The following KNL1 variants were observed in gnomAD, a reference collection of about 807,000 sequenced individuals.
The protein encoded by KNL1 is kinetochore scaffold 1.
Under a neutral mutation model 201.3 loss-of-function variants are expected in KNL1, and 66 were observed. The observed-to-expected ratio is 0.33, with a 90% CI of 0.27 to 0.40. The LOEUF (loss-of-function observed/expected upper bound fraction) is 0.40, where lower values mean the gene tolerates loss of function less well. Ranked by LOEUF, KNL1 falls within the 10% of genes least tolerant of loss-of-function variation. The pLI is 1.00. For missense variants in KNL1, 2,815 were observed against 2,690.5 expected, an observed-to-expected ratio of 1.05 and a Z score of -1.02; for synonymous variants, 895 against 899.2, an observed-to-expected ratio of 1.00 and a Z score of 0.08.
intron 14 of KNL1, among the ~76,000 whole-genome samples, chr15:40,644,580 A>G (rs888217097): frequency 2.0e-5 from 3 of 152,188 alleles, no homozygotes; most frequent in African/African-American, 7.2e-5. Flanking sequence ...CATATTTCAG[A>G]CTATCACATG....
Position 40,622,381 on chromosome 15 carries a change from G to A in KNL1, c.2117G>A (p.Gly706Glu), listed in dbSNP as rs1892568021. Residue 706 changes from glycine to glutamate, a missense_variant, in exon 10 of 26, where the codon GGA becomes GAA. Gly to Glu is a moderately conservative substitution (Grantham distance 98). Coordinates refer to ENST00000399668, the MANE Select transcript of KNL1 (RefSeq NM_144508.5). ...ACCACAAAGCCATTATTTTCATCAG[G>A]ACAGTTCTCTATGAAAAATCATGAT... ...FSTTKPLFSS[G>E]QFSMKNHDTA... The A allele has an allele frequency of 6.2e-7, 1 of 1,613,798 alleles. No homozygotes were observed. The highest frequency in any genetic ancestry group is 1.3e-5 in the African/African-American group (1 of 75,008).
In KNL1 at chr15:40,594,263, C is replaced by A. The variant is rs1275985930; in HGVS notation, c.-147C>A. The A allele has an allele frequency of 2.0e-5, 3 of 152,314 alleles. No homozygotes were observed. Among genetic ancestry groups the A allele is most frequent in the African/African-American group, 7.2e-5 (3 of 41,472 alleles). 9.4% of individuals were successfully genotyped at this position (152,314 alleles called of 1,614,324 possible). A position where few individuals can be genotyped will look rare whatever the true frequency, so the allele number is the denominator to read the frequency against. On this transcript the variant is annotated 5_prime_UTR_variant, in exon 1 of 26. Transcript: ENST00000399668. ...CCTAGGCGGTTAGATTTGAATACTTCACTGAGGCGAGCCGGGCGTTGTGAG... is the reference window on the plus strand; with the variant it reads ...CCTAGGCGGTTAGATTTGAATACTTAACTGAGGCGAGCCGGGCGTTGTGAG...
chr15:40,622,431 A>T lies in KNL1; in HGVS notation c.2167A>T (p.Lys723Ter). The T allele has an allele frequency of 6.2e-7, 1 of 1,613,908 alleles. No individual in the cohort carries two copies. The highest frequency in any genetic ancestry group is 8.5e-7 in the Non-Finnish European group (1 of 1,179,850). The change falls in exon 10 of 26, where the codon AAA (lysine) becomes TAA (stop). Residue 723 changes from lysine to a stop codon, truncating the protein, a stop_gained. Coordinates refer to ENST00000399668, the MANE Select transcript of KNL1 (RefSeq NM_144508.5). LOFTEE classifies it high-confidence loss of function. ...TACTGCTATAAGTAGTCATACAGTG[A>T]AATCTGTACTAGGCCAGAATTCTAA... ...HDTAISSHTV[K>*]SVLGQNSKLA... is the part of the protein sequence containing the mutation.
chr15:40,628,949 C>T (rs1892826617), intron 12 of KNL1, among the ~76,000 whole-genome samples: 1 of 152,086 alleles, frequency 6.6e-6, no homozygotes, highest in African/African-American at 2.4e-5. Flanking sequence ...AAGAGAATCA[C>T]TTGAGCCCAG....
Position 40,650,350 on chromosome 15 carries a change from G to C in KNL1, c.6144G>C (p.Trp2048Cys). The C allele has an allele frequency of 6.2e-7, 1 of 1,612,838 alleles. No individual in the cohort carries two copies. ...AGAAAAACAATCCTGTGGAAGAATG[G>C]GATTCTGAAATGAGAGCTGCAGAAA... ...DEEKNNPVEE[W>C]DSEMRAAEKE... Residue 2048 changes from tryptophan (W) to cysteine (C), a missense_variant, in exon 18 of 26, where the codon TGG (tryptophan) becomes TGC (cysteine). Physicochemically the swap from Trp to Cys is radical, Grantham distance 215 (BLOSUM62 -2). Transcript: ENST00000399668.
At chr15:40,627,970 T>C in intron 10 of KNL1, 100 bp from the exon 11 acceptor site, 1 of 757,094 alleles carries the variant, frequency 1.3e-6, no homozygotes, top group Non-Finnish European at 2.0e-6. Flanking sequence ...ATATGAATTA[T>C]AGATTAATTG....
chr15:40,601,670 A>C (rs911553231), intron 1 of KNL1, among the ~76,000 whole-genome samples: 1 of 151,408 alleles, frequency 6.6e-6, no homozygotes, highest in East Asian at 2.0e-4. Flanking sequence ...ATACAAAAAA[A>C]ATTAGCCGGG....
At chr15:40,648,447 C>T (rs1200569130) in intron 17 of KNL1, among the ~76,000 whole-genome samples, 1 of 152,016 alleles carries the variant, frequency 6.6e-6, no homozygotes, top group African/African-American at 2.4e-5. Context: ...TAAATATATT[C>T]TCCGAGCTCA....
rs748981111 is a variant in KNL1, at chr15:40,622,811, A to T, written c.2547A>T (p.Gly849=). 1.1e-5 allele frequency: 17 copies of T among 1,612,932 alleles called. No individual in the cohort carries two copies. Among genetic ancestry groups the T allele is most frequent in the Non-Finnish European group, 1.3e-5 (15 of 1,179,580 alleles). ...AAAAGCAAAATGTCAAAATTTGGGGAAGGAAAAGTGTTGGTGGACCAAAAA... is the reference window on the plus strand; with the variant it reads ...AAAAGCAAAATGTCAAAATTTGGGGTAGGAAAAGTGTTGGTGGACCAAAAA... ...PKEKQNVKIW[G]RKSVGGPKID... The change falls in exon 10 of 26, where the codon GGA becomes GGT. Residue 849 remains glycine (G), a synonymous_variant. Coordinates refer to ENST00000399668, the MANE Select transcript of KNL1 (RefSeq NM_144508.5).
Position 40,625,077 on chromosome 15 carries a change from A to C in KNL1, c.4813A>C (p.Ile1605Leu). The C allele has an allele frequency of 6.2e-7, 1 of 1,613,754 alleles. No individual in the cohort carries two copies. Among genetic ancestry groups the C allele is most frequent in the South Asian group, 1.1e-5 (1 of 91,058 alleles). Reference protein sequence around the residue: ...NDMHIVQATEIHNINIISSNA... With the variant: ...NDMHIVQATELHNINIISSNA... ...TATGCATATAGTGCAAGCTACAGAAATACATAATATTAACATAATCTCCAG... is the reference window on the plus strand; with the variant it reads ...TATGCATATAGTGCAAGCTACAGAACTACATAATATTAACATAATCTCCAG... The change falls in exon 10 of 26, where the codon ATA becomes CTA. Residue 1605 changes from isoleucine (I) to leucine (L), a missense_variant. By Grantham distance (5) the Ile-to-Leu change is conservative. Transcript: ENST00000399668.
Position 40,622,110 on chromosome 15 carries a change from A to G in KNL1, c.1846A>G (p.Thr616Ala). The change falls in exon 10 of 26, where the codon ACC becomes GCC. Residue 616 changes from threonine to alanine, a missense_variant. Physicochemically the swap from Thr to Ala is moderately conservative, Grantham distance 58 (BLOSUM62 0). Coordinates refer to ENST00000399668, the MANE Select transcript of KNL1 (RefSeq NM_144508.5). ...CTCTTCAGATGAATGTGAAGAAATTACCAAAAGTCGTAATGAACCATTTCA... is the reference window on the plus strand; with the variant it reads ...CTCTTCAGATGAATGTGAAGAAATTGCCAAAAGTCGTAATGAACCATTTCA... ...KSSSDECEEI[T>A]KSRNEPFQRS... The G allele has an allele frequency of 6.2e-7, 1 of 1,614,100 alleles. No homozygotes were observed. Among genetic ancestry groups the G allele is most frequent in the Admixed American group, 1.7e-5 (1 of 60,008 alleles).
chr15:40,628,186 TG>T lies in KNL1; in HGVS notation c.5496del (p.Thr1833ProfsTer27). On this transcript the variant is annotated frameshift_variant, in exon 11 of 26. Coordinates refer to ENST00000399668, the MANE Select transcript of KNL1 (RefSeq NM_144508.5). LOFTEE classifies it high-confidence loss of function. ...SSSLDSIKADGTSLDFSTYRS... is the reference protein window; with the variant it reads ...SSSLDSIKADXTSLDFSTYRS... ...GCTCTCTGGATTCAATCAAGGCTGA[TG>T]GGACCTCTCTGGACTTCAGCAGTAA... The T allele has an allele frequency of 6.2e-7, 1 of 1,609,922 alleles. No homozygotes were observed. The highest frequency in any genetic ancestry group is 8.5e-7 in the Non-Finnish European group (1 of 1,178,678).
Position 40,602,974 on chromosome 15 carries a change from C to T in KNL1, c.35+8C>T. 1 of 1,573,836 alleles carries T rather than the reference C, an allele frequency of 6.4e-7. No homozygotes were observed. ...AGAGGCTAATGAAGAAAAGTAAGTT[C>T]ATTTAATGCAGCTAAAAATATTATA... On this transcript the variant is annotated splice_region_variant and intron_variant, in intron 2 of 25. Coordinates refer to ENST00000399668, the MANE Select transcript of KNL1 (RefSeq NM_144508.5).
intron 13 of KNL1, among the ~76,000 whole-genome samples, chr15:40,638,323 A>G (rs1567016608): frequency 6.6e-6 from 1 of 151,914 alleles, no homozygotes; most frequent in African/African-American, 2.4e-5. Flanking sequence ...TGTTGTCATT[A>G]TTTAGAGATG....
Position 40,628,139 on chromosome 15 carries a change from A to T in KNL1, c.5446A>T (p.Arg1816Trp). The change falls in exon 11 of 26, where the codon AGG (arginine) becomes TGG (tryptophan). Residue 1816 changes from arginine (R) to tryptophan (W), a missense_variant. By Grantham distance (101) the Arg-to-Trp change is moderately radical. Coordinates refer to ENST00000399668, the MANE Select transcript of KNL1 (RefSeq NM_144508.5). ...ANSVLIKNLS[R>W]TPSSCSSSLD... Reference sequence around the variant, plus strand: ...CAGTGTATTGATAAAAAACCTGAGCAGGACCCCATCTAGTTGCAGCAGCTC... The same window carrying T: ...CAGTGTATTGATAAAAAACCTGAGCTGGACCCCATCTAGTTGCAGCAGCTC... The T allele has an allele frequency of 6.2e-7, 1 of 1,613,406 alleles. No individual in the cohort carries two copies. Among genetic ancestry groups the T allele is most frequent in the East Asian group, 2.2e-5 (1 of 44,830 alleles).
At position 40,594,337 on chromosome 15, in the gene KNL1, C is replaced by A. The variant is rs370304180; in HGVS notation, c.-73C>A. The A allele has an allele frequency of 1.3e-5, 2 of 152,398 alleles. No individual in the cohort carries two copies. Among genetic ancestry groups the A allele is most frequent in the East Asian group, 3.9e-4 (2 of 5,188 alleles). 9.4% of individuals were successfully genotyped at this position (152,398 alleles called of 1,614,324 possible). ...GTTTCCGCTCTAAGGAAACTCAGAG[C>A]GTGTGGACCCCAAACAAGTCTGCGC... On this transcript the variant is annotated 5_prime_UTR_variant, in exon 1 of 26. Transcript: ENST00000399668.
At chr15:40,614,699 A>G (rs1363518627) in intron 7 of KNL1, among the ~76,000 whole-genome samples, 2 of 152,126 alleles carry the variant, frequency 1.3e-5, no homozygotes, top group East Asian at 1.9e-4. Flanking sequence ...AGCACTTTCT[A>G]TGTTATTACA....
chr15:40,629,202 A>G, intron 12 of KNL1, 71 bp from the exon 13 acceptor site: 1 of 827,934 alleles, frequency 1.2e-6, no homozygotes, highest in Non-Finnish European at 1.9e-6. Context: ...AGCTTTTAGA[A>G]ACAAATGAAG....
intron 8 of KNL1, among the ~76,000 whole-genome samples, chr15:40,617,614 TAGTC>T (rs1892382298): frequency 1.3e-5 from 2 of 152,310 alleles, no homozygotes; most frequent in South Asian, 4.1e-4. Context: ...ACTAAGGAGT[TAGTC>T]AGATGTTCTG....
Sources: gnomAD v4.1 joint callset for allele counts (sites outside exome capture counted in the v4.1 genomes callset) on GRCh38, gnomAD v4.1.1 for gene constraint, MANE v1.5 for transcripts, NCBI Gene and HGNC (gene_info 2026-07-23, HGNC 2026-07-21) for gene names.